Variants in OS9 observed in about 807,000 individuals in gnomAD.
OS9 encodes OS9 endoplasmic reticulum lectin.
In OS9, 58 loss-of-function variants were observed where a neutral mutation model predicts 84.7. That is an observed-to-expected ratio of 0.68 (90% confidence interval 0.55 to 0.85). The LOEUF is 0.85. Among genes scored for constraint, OS9 ranks in the 40% least tolerant of loss-of-function variants. The pLI, the probability that OS9 is intolerant of heterozygous loss-of-function variation, is 0.00. For synonymous variants in OS9, 278 were observed against 320.8 expected (o/e 0.87, Z 1.43); for missense variants, 760 against 850.9 (o/e 0.89, Z 1.33).
intron 5 of OS9, among the ~76,000 whole-genome samples, chr12:57,713,320 G>C (rs1179630603): frequency 6.6e-6 from 1 of 152,178 alleles, no homozygotes; most frequent in Non-Finnish European, 1.5e-5. Context: ...AAATCCCCGA[G>C]GCCCTGCTCT....
At chr12:57,702,913 T>G (rs1055924262) in intron 5 of OS9, among the ~76,000 whole-genome samples, 20 of 152,352 alleles carry the variant, frequency 1.3e-4, no homozygotes, top group African/African-American at 4.8e-4. Flanking sequence ...TCAAATCCTC[T>G]GCCCATTTTT....
intron 14 of OS9, 28 bp downstream of exon 14, chr12:57,720,546 GC>G: frequency 2.6e-6 from 4 of 1,516,038 alleles, no homozygotes; most frequent in Non-Finnish European, 3.7e-6. Context: ...CCGAGTCCTG[GC>G]CCCCAGCCCT....
At chr12:57,716,835 T>C (rs1300435122) in intron 9 of OS9, 91 bp downstream of exon 9, 1 of 1,190,612 alleles carries the variant, frequency 8.4e-7, no homozygotes, top group Non-Finnish European at 1.2e-6. Context: ...GGGAGGGAGG[T>C]TGGGTAGCCA....
chr12:57,695,681 A>T, intron 2 of OS9, 99 bp from the exon 3 acceptor site: 2 of 796,300 alleles, frequency 2.5e-6, no homozygotes, highest in South Asian at 2.7e-5. Context: ...TGAGTGTGTA[A>T]GTAGATGAGA....
At chr12:57,694,652 C>G (rs577969928) in intron 1 of OS9, 98 bp from the exon 2 acceptor site, 2 of 1,255,666 alleles carry the variant, frequency 1.6e-6, no homozygotes, top group East Asian at 2.3e-5. Context: ...CTGTCTTCGA[C>G]TGATCTCTTC....
intron 5 of OS9, among the ~76,000 whole-genome samples, chr12:57,706,037 C>T (rs1954156743): frequency 6.6e-6 from 1 of 152,104 alleles, no homozygotes; most frequent in African/African-American, 2.4e-5. Context: ...TCTTATACCT[C>T]GAGTGCAACA....
In OS9 at chr12:57,694,933, G is replaced by C. The variant is rs773569710; in HGVS notation, c.339+7G>C. 1 of 1,613,536 alleles carries C rather than the reference G, an allele frequency of 6.2e-7. No individual in the cohort carries two copies. The highest frequency in any genetic ancestry group is 1.7e-5 in the Admixed American group (1 of 59,994). ...TGCTCCCTGCTTGCTGAAGGTGAAA[G>C]GGACTGGGTTAGATAGAATGAGGGC... On this transcript the variant is annotated splice_region_variant and intron_variant, in intron 2 of 14. Coordinates refer to ENST00000315970, the MANE Select transcript of OS9 (RefSeq NM_006812.4).
chr12:57,718,280 G>A lies in OS9; in HGVS notation c.1269G>A (p.Glu423=). Residue 423 remains glutamate (E), a synonymous_variant, in exon 11 of 15, where the codon GAG becomes GAA. Transcript: ENST00000315970. The stretch of plus-strand genomic sequence containing the variant: ...AAGAGGAGGATGAGGATGAGGATGA[G>A]GATGAAGATGAGGATGAACGGCAGT... ...MEEEEDEDED[E]DEDEDERQLL... The A allele has an allele frequency of 6.2e-7, 1 of 1,612,590 alleles. No individual in the cohort carries two copies. Among genetic ancestry groups the A allele is most frequent in the Non-Finnish European group, 8.5e-7 (1 of 1,178,638 alleles).
At chr12:57,704,169 G>A (rs1954101930) in intron 5 of OS9, among the ~76,000 whole-genome samples, 3 of 152,152 alleles carry the variant, frequency 2.0e-5, no homozygotes, top group Non-Finnish European at 2.9e-5. Context: ...AAATCATGAT[G>A]TATAATGCTT....
intron 11 of OS9, among the ~76,000 whole-genome samples, chr12:57,718,626 C>G (rs1433431582): frequency 1.3e-5 from 2 of 152,132 alleles, no homozygotes; most frequent in African/African-American, 4.8e-5. Context: ...ACTCTCTGGC[C>G]AGGCGCGGTG....
At chr12:57,706,558 A>G (rs1954172462) in intron 5 of OS9, among the ~76,000 whole-genome samples, 1 of 152,098 alleles carries the variant, frequency 6.6e-6, no homozygotes. Flanking sequence ...TTATTCTTCA[A>G]AGGTTAGGTA....
chr12:57,706,369 T>TA (rs1479208110), intron 5 of OS9, among the ~76,000 whole-genome samples: 1 of 152,176 alleles, frequency 6.6e-6, no homozygotes, highest in African/African-American at 2.4e-5. Flanking sequence ...TGTACATTGC[T>TA]ATATTCAGTA....
At chr12:57,709,863 T>G (rs571808207) in intron 5 of OS9, among the ~76,000 whole-genome samples, 1 of 152,050 alleles carries the variant, frequency 6.6e-6, no homozygotes, top group East Asian at 1.9e-4. Context: ...TGTTATTACT[T>G]TTTTTTTGAG....
At chr12:57,715,694 C>G in intron 5 of OS9, 66 bp from the exon 6 acceptor site, 1 of 1,173,450 alleles carries the variant, frequency 8.5e-7, no homozygotes. Flanking sequence ...TAAAAGACAC[C>G]TGCTCTAATA....
intron 3 of OS9, 55 bp from the exon 4 acceptor site, chr12:57,695,907 T>C: frequency 2.1e-6 from 3 of 1,400,746 alleles, no homozygotes; most frequent in Non-Finnish European, 2.0e-6. Context: ...CCCAGTTCCC[T>C]CCTCCTCCTC....
At chr12:57,706,013 A>G (rs1704895274) in intron 5 of OS9, among the ~76,000 whole-genome samples, 1 of 152,172 alleles carries the variant, frequency 6.6e-6, no homozygotes, top group African/African-American at 2.4e-5. Flanking sequence ...TCTAAGTTGT[A>G]TACATTTCAT....
chr12:57,695,751 C>T (rs763311641), intron 2 of OS9, 29 bp from the exon 3 acceptor site: 13 of 1,471,912 alleles, frequency 8.8e-6, no homozygotes, highest in Non-Finnish European at 1.1e-5. Context: ...GCACTCCATC[C>T]CCCTGATTGT....
intron 5 of OS9, among the ~76,000 whole-genome samples, chr12:57,696,613 T>C (rs993892044): frequency 6.6e-6 from 1 of 151,918 alleles, no homozygotes; most frequent in Non-Finnish European, 1.5e-5. Flanking sequence ...CTGACCAATA[T>C]GGTGAAACCC....
chr12:57,715,041 A>T (rs1164703364), intron 5 of OS9, among the ~76,000 whole-genome samples: 1 of 152,198 alleles, frequency 6.6e-6, no homozygotes, highest in Non-Finnish European at 1.5e-5. Flanking sequence ...TAAAAATTAC[A>T]TATTTATATA....
Sources: gnomAD v4.1 joint callset for allele counts (sites outside exome capture counted in the v4.1 genomes callset) on GRCh38, gnomAD v4.1.1 for gene constraint, MANE v1.5 for transcripts, NCBI Gene and HGNC (gene_info 2026-07-23, HGNC 2026-07-21) for gene names.